ITPR1: variants seen among roughly 807,000 people sequenced by gnomAD.
The protein encoded by ITPR1 is inositol 1,4,5-trisphosphate-gated calcium channel ITPR1.
In ITPR1, 96 loss-of-function variants were observed where a neutral mutation model predicts 318.4. The ratio of observed to expected loss-of-function variants is 0.30; its 90% CI spans 0.26 to 0.36. The LOEUF is 0.36. Among genes scored for constraint, ITPR1 ranks in the 10% least tolerant of loss-of-function variants. ITPR1 has a pLI of 1.00. For missense variants in ITPR1, 2,440 were observed against 3,460.2 expected (o/e 0.71, Z 7.40); for synonymous variants, 1,312 against 1,289.9 (o/e 1.02, Z -0.37).
chr3:4,801,988 C>G (rs2048264438), intron 54 of ITPR1, among the ~76,000 whole-genome samples: 1 of 152,168 alleles, frequency 6.6e-6, no homozygotes, highest in Non-Finnish European at 1.5e-5. Flanking sequence ...CTGTGTAAGT[C>G]ACTTGCAGCA....
chr3:4,636,950 C>T (rs2093209278), intron 5 of ITPR1, among the ~76,000 whole-genome samples: 1 of 152,176 alleles, frequency 6.6e-6, no homozygotes, highest in South Asian at 2.1e-4. Context: ...TGTTGTTATA[C>T]TGTACTTATT....
intron 4 of ITPR1, among the ~76,000 whole-genome samples, chr3:4,532,192 G>T (rs1264061738): frequency 6.6e-6 from 1 of 152,100 alleles, no homozygotes; most frequent in Admixed American, 6.5e-5. Context: ...CTTTGCACAG[G>T]TTCTGGACTA....
At chr3:4,604,053 T>C (rs934029290) in intron 4 of ITPR1, among the ~76,000 whole-genome samples, 3 of 152,196 alleles carry the variant, frequency 2.0e-5, no homozygotes, top group Non-Finnish European at 2.9e-5. Context: ...GGTATCTCAT[T>C]GTAGTTTTGA....
chr3:4,562,466 T>C (rs2086779811), intron 4 of ITPR1, among the ~76,000 whole-genome samples: 1 of 152,124 alleles, frequency 6.6e-6, no homozygotes, highest in Admixed American at 6.5e-5. Context: ...AGATAGTGAG[T>C]GAAGCAGTTG....
At chr3:4,795,322 T>A in intron 53 of ITPR1, 135 bp downstream of exon 53, 1 of 711,328 alleles carries the variant, frequency 1.4e-6, no homozygotes, top group East Asian at 3.1e-5. Flanking sequence ...AAGAGGAGAT[T>A]GTAGCTGTTA....
In ITPR1 at chr3:4,779,481, G is replaced by T; in HGVS notation, c.6292-69G>T. On this transcript the variant is annotated intron_variant, in intron 48 of 61. Coordinates refer to ENST00000649015, the MANE Select transcript of ITPR1 (RefSeq NM_001378452.1). The surrounding 1 kb of genome is among the most constrained non-coding windows in gnomAD (Gnocchi z 4.0). ...CGGGATGCCTCCCATGTGCCAGTTG[G>T]CACCTGCATTCAGGCCGGGCCCCCA... The T allele has an allele frequency of 8.9e-7, 1 of 1,124,504 alleles. No homozygotes were observed. Among genetic ancestry groups the T allele is most frequent in the Non-Finnish European group, 1.4e-6 (1 of 738,192 alleles). 69.7% of individuals were successfully genotyped at this position (1,124,504 alleles called of 1,614,324 possible). A position where few individuals can be genotyped will look rare whatever the true frequency, so the allele number is the denominator to read the frequency against.
At chr3:4,652,369 C>T (rs1185718349) in intron 11 of ITPR1, among the ~76,000 whole-genome samples, 151 bp downstream of exon 11, 1 of 152,176 alleles carries the variant, frequency 6.6e-6, no homozygotes, top group Non-Finnish European at 1.5e-5. Context: ...CCTTCTGATT[C>T]ATTTTCCTAG....
chr3:4,683,545 C>A lies in ITPR1; in HGVS notation c.3321C>A (p.Phe1107Leu). Residue 1107 changes from phenylalanine to leucine, a missense_variant, in exon 27 of 62, where the codon TTC becomes TTA. Around this residue, in one of 23 missense-constraint regions of ITPR1, gnomAD observed 76 missense variants for 132.2 expected, o/e 0.58. Coordinates refer to ENST00000649015, the MANE Select transcript of ITPR1 (RefSeq NM_001378452.1). ...AGAGGCAGGAGGTGCTCCAGGCCTT[C>A]AAACAGGTAGCTCAGGTCACCCACG... ...FSQRQEVLQA[F>L]KQVQLLVTSQ... is the part of the protein sequence containing the mutation. 1 of 1,613,832 alleles carries A rather than the reference C, an allele frequency of 6.2e-7. No homozygotes were observed. Among genetic ancestry groups the A allele is most frequent in the Non-Finnish European group, 8.5e-7 (1 of 1,179,684 alleles).
At position 4,791,163 on chromosome 3, in the gene ITPR1, G is replaced by T. The variant is rs143822278; in HGVS notation, c.6808+3024G>T. Among the ~76,000 whole-genome samples, 258 of 152,234 alleles carry T rather than the reference G, an allele frequency of 1.7e-3. 2 individuals are homozygous for T. The highest frequency in any genetic ancestry group is 6.1e-3 in the African/African-American group (253 of 41,540). ...GTTACCAAGAGATGCCCTAGGCTGT[G>T]GTTATTTAAATTGCCTTGCCAATCC... On this transcript the variant is annotated intron_variant, in intron 52 of 61. Transcript: ENST00000649015.
chr3:4,675,327 T>A, intron 23 of ITPR1, 79 bp downstream of exon 23: 1 of 936,354 alleles, frequency 1.1e-6, no homozygotes, highest in Non-Finnish European at 1.6e-6. Flanking sequence ...ACCCTATATG[T>A]GATGCCACAT....
chr3:4,731,782 G>A (rs894482026), intron 42 of ITPR1, among the ~76,000 whole-genome samples: 7 of 152,094 alleles, frequency 4.6e-5, no homozygotes, highest in Non-Finnish European at 5.9e-5. Flanking sequence ...CAGGGTCCCT[G>A]CTTCAGTCTG....
chr3:4,595,762 C>T (rs2090760166), intron 4 of ITPR1, among the ~76,000 whole-genome samples: 1 of 152,072 alleles, frequency 6.6e-6, no homozygotes, highest in African/African-American at 2.4e-5. Flanking sequence ...GGCACCAAGA[C>T]TGGAGAGGAT....
At chr3:4,558,410 A>G (rs974451183) in intron 4 of ITPR1, among the ~76,000 whole-genome samples, 4 of 152,198 alleles carry the variant, frequency 2.6e-5, no homozygotes, top group African/African-American at 9.6e-5. Flanking sequence ...TTATAGACAA[A>G]TTACAAAGCT....
At chr3:4,843,585 G>A (rs1196584243) in intron 61 of ITPR1, among the ~76,000 whole-genome samples, 1 of 152,182 alleles carries the variant, frequency 6.6e-6, no homozygotes, top group African/African-American at 2.4e-5. Flanking sequence ...TGATTCTGGC[G>A]CATGCTGAAG....
chr3:4,801,979 T>C (rs1202025973), intron 54 of ITPR1, among the ~76,000 whole-genome samples: 1 of 152,192 alleles, frequency 6.6e-6, no homozygotes, highest in Non-Finnish European at 1.5e-5. Context: ...GAACTGATCC[T>C]GTGTAAGTCA....
At chr3:4,834,380 A>G (rs1045741501) in intron 60 of ITPR1, among the ~76,000 whole-genome samples, 1 of 152,112 alleles carries the variant, frequency 6.6e-6, no homozygotes, top group African/African-American at 2.4e-5. Context: ...GGGACTTTGT[A>G]TCTTTTTTCT....
intron 4 of ITPR1, among the ~76,000 whole-genome samples, chr3:4,572,394 TTTAAAA>T (rs2088112737): frequency 6.6e-6 from 1 of 152,160 alleles, no homozygotes; most frequent in African/African-American, 2.4e-5. Context: ...ATATTCATAC[TTTAAAA>T]TTATATGCAT....
chr3:4,594,646 G>A (rs62233665), intron 4 of ITPR1, among the ~76,000 whole-genome samples: 21,901 of 152,030 alleles, frequency 0.14, 2,575 homozygotes, highest in East Asian at 0.4. Context: ...AAGGGCAAAA[G>A]GATGCACCTA....
intron 10 of ITPR1, among the ~76,000 whole-genome samples, chr3:4,648,105 G>A (rs928169021): frequency 6.6e-6 from 1 of 151,894 alleles, no homozygotes; most frequent in Non-Finnish European, 1.5e-5. Context: ...TAAGCCGAGA[G>A]TGCACCATTG....
Sources: gnomAD v4.1 joint callset for allele counts (sites outside exome capture counted in the v4.1 genomes callset) on GRCh38, gnomAD v4.1.1 for gene constraint, gnomAD v4.1.1 regional missense constraint, Gnocchi (gnomAD v3.1) non-coding constraint, MANE v1.5 for transcripts, NCBI Gene and HGNC (gene_info 2026-07-23, HGNC 2026-07-21) for gene names.